SLC7A2: variants seen among roughly 807,000 people sequenced by gnomAD.
SLC7A2 encodes the protein cationic amino acid transporter 2.
A neutral mutation model predicts 58.9 loss-of-function variants in SLC7A2; 48 were observed. That is an observed-to-expected ratio of 0.82 (90% CI 0.65 to 1.04). The LOEUF is 1.04. Among genes scored for constraint, SLC7A2 ranks in the 50% least tolerant of loss-of-function variants. The pLI is 0.00. For missense variants in SLC7A2, 1,029 were observed against 818.8 expected (o/e 1.26, Z -3.13); for synonymous variants, 363 against 314.5 (o/e 1.15, Z -1.63).
At position 17,561,988 on chromosome 8, in the gene SLC7A2, C is replaced by T; in HGVS notation, c.1549C>T (p.His517Tyr). The T allele has an allele frequency of 6.2e-7, 1 of 1,614,128 alleles. No individual in the cohort carries two copies. Among genetic ancestry groups the T allele is most frequent in the Non-Finnish European group, 8.5e-7 (1 of 1,180,016 alleles). Reference protein sequence around the residue: ...GLSVLTTYGVHAITRLEAWSL... With the variant: ...GLSVLTTYGVYAITRLEAWSL... ...GAGTGTCTTGACCACTTACGGAGTT[C>T]ATGCCATCACCAGGCTGGAGGCCTG... is the stretch of plus-strand genomic sequence containing the variant. The change falls in exon 11 of 13, where the codon CAT becomes TAT. Residue 517 changes from histidine (H) to tyrosine (Y), a missense_variant. Coordinates refer to ENST00000494857, the MANE Select transcript of SLC7A2 (RefSeq NM_001370338.1).
At position 17,563,703 on chromosome 8, in the gene SLC7A2, T is replaced by C; in HGVS notation, c.1772T>C (p.Met591Thr). ...ADTWVRFSIWMAIGFLIYFSY... is the reference protein window; with the variant it reads ...ADTWVRFSIWTAIGFLIYFSY... ...ACTTGGGTCAGATTCAGCATTTGGA[T>C]GGCAATTGGTAGGTCTTTTAATGTC... Residue 591 changes from methionine (M) to threonine (T), a missense_variant, in exon 12 of 13, where the codon ATG (methionine) becomes ACG (threonine). Coordinates refer to ENST00000494857, the MANE Select transcript of SLC7A2 (RefSeq NM_001370338.1). 2.5e-6 allele frequency: 4 copies of C among 1,582,856 alleles called. No homozygotes were observed. The highest frequency in any genetic ancestry group is 2.2e-5 in the East Asian group (1 of 44,712).
intron 10 of SLC7A2, 149 bp downstream of exon 10, chr8:17,560,682 G>A (rs1251992022): frequency 1.6e-6 from 1 of 642,218 alleles, no homozygotes; most frequent in Non-Finnish European, 2.8e-6. Context: ...ATCACCAGTG[G>A]TTGAGATCAT....
intron 2 of SLC7A2, among the ~76,000 whole-genome samples, chr8:17,512,709 A>G (rs1417008309): frequency 6.6e-6 from 1 of 152,188 alleles, no homozygotes; most frequent in Non-Finnish European, 1.5e-5. Context: ...CATTAAATGC[A>G]TTCACATCGT....
At chr8:17,499,936 T>C (rs1800088059) in intron 1 of SLC7A2, 1 of 152,198 alleles carries the variant, frequency 6.6e-6, no homozygotes, top group Non-Finnish European at 1.5e-5. Context: ...AACACATGCT[T>C]ATATGTCTTT....
chr8:17,524,410 G>A (rs866494457), intron 2 of SLC7A2, among the ~76,000 whole-genome samples: 56,595 of 136,334 alleles, frequency 0.42, 11,847 homozygotes, highest in Middle Eastern at 0.52. Context: ...ACATATATGT[G>A]TGTGTGTGTG....
At chr8:17,497,536 G>A (rs1029264600) in intron 1 of SLC7A2, among the ~76,000 whole-genome samples, 2 of 152,206 alleles carry the variant, frequency 1.3e-5, no homozygotes, top group Non-Finnish European at 2.9e-5. Context: ...GCTCTGCCCG[G>A]GGACTTCGGG....
At chr8:17,510,136 C>G (rs915169512) in intron 2 of SLC7A2, among the ~76,000 whole-genome samples, 2 of 152,046 alleles carry the variant, frequency 1.3e-5, no homozygotes, top group African/African-American at 4.8e-5. Context: ...AGGAGCATCG[C>G]TTGAACCTGG....
intron 1 of SLC7A2, among the ~76,000 whole-genome samples, chr8:17,500,815 C>T (rs992851588): frequency 2.5e-5 from 2 of 78,696 alleles, no homozygotes; most frequent in South Asian, 4.6e-4. Context: ...CACACACACA[C>T]ACACACACAC....
At chr8:17,498,930 G>A (rs1192359682) in intron 1 of SLC7A2, 1 of 152,194 alleles carries the variant, frequency 6.6e-6, no homozygotes, top group Admixed American at 6.5e-5. Flanking sequence ...TCTTGCGCTG[G>A]AGTTTTTCAT....
At chr8:17,516,328 C>T (rs141728736) in intron 2 of SLC7A2, among the ~76,000 whole-genome samples, 5,412 of 152,082 alleles carry the variant, frequency 0.036, 138 homozygotes, top group Admixed American at 0.052. Context: ...CAGTCTCAAG[C>T]GATTATCCTG....
chr8:17,531,836 G>A (rs1442517745), intron 2 of SLC7A2, among the ~76,000 whole-genome samples: 1 of 151,822 alleles, frequency 6.6e-6, no homozygotes, highest in Non-Finnish European at 1.5e-5. Context: ...GTAACAAAGA[G>A]GAAAATTTGG....
chr8:17,502,090 C>T (rs1479514046), intron 1 of SLC7A2, among the ~76,000 whole-genome samples, 167 bp from the exon 2 acceptor site: 1 of 150,934 alleles, frequency 6.6e-6, no homozygotes, highest in Non-Finnish European at 1.5e-5. Context: ...GTATTCCCAC[C>T]ATATGTATAT....
chr8:17,500,255 A>G (rs1451870067), intron 1 of SLC7A2: 1 of 152,224 alleles, frequency 6.6e-6, no homozygotes, highest in African/African-American at 2.4e-5. Context: ...TCTCTAATAC[A>G]TGAAGGCGAT....
At chr8:17,517,581 T>G (rs1245936840) in intron 2 of SLC7A2, among the ~76,000 whole-genome samples, 1 of 152,062 alleles carries the variant, frequency 6.6e-6, no homozygotes, top group Non-Finnish European at 1.5e-5. Context: ...TGTTGGAATT[T>G]TTAATACAGA....
At chr8:17,515,638 G>A (rs1800776514) in intron 2 of SLC7A2, among the ~76,000 whole-genome samples, 1 of 152,018 alleles carries the variant, frequency 6.6e-6, no homozygotes, top group Non-Finnish European at 1.5e-5. Context: ...TGGGGTGGCG[G>A]GTTTTTGGCA....
chr8:17,497,575 A>C (rs540567723), intron 1 of SLC7A2, among the ~76,000 whole-genome samples: 1 of 152,276 alleles, frequency 6.6e-6, no homozygotes, highest in East Asian at 2.0e-4. Context: ...AGGGGCTGGC[A>C]CGGCGACTTC....
chr8:17,537,960 G>A lies in SLC7A2; in HGVS notation c.-22-5358G>A, dbSNP rs28617533. Among the ~76,000 whole-genome samples the A allele has an allele frequency of 9.4e-3, 1,431 of 152,142 alleles. 23 individuals carry two copies. The highest frequency in any genetic ancestry group is 0.033 in the African/African-American group (1,372 of 41,498). ...TTAATTTTTTTTTCTGCATCTCTTT[G>A]AGCTAACTAGGTATGCCTTATTCCC... On this transcript the variant is annotated intron_variant, in intron 2 of 12. Transcript: ENST00000494857.
intron 2 of SLC7A2, among the ~76,000 whole-genome samples, chr8:17,538,409 A>G (rs1470425966): frequency 6.6e-6 from 1 of 152,176 alleles, no homozygotes; most frequent in African/African-American, 2.4e-5. Flanking sequence ...GTTTTTCCAG[A>G]AAGATTCAGG....
chr8:17,542,479 T>A (rs940186981), intron 2 of SLC7A2, among the ~76,000 whole-genome samples: 1 of 152,124 alleles, frequency 6.6e-6, no homozygotes, highest in African/African-American at 2.4e-5. Flanking sequence ...AGTGAGACCC[T>A]GTCTCTACGA....
Sources: gnomAD v4.1 joint callset for allele counts (sites outside exome capture counted in the v4.1 genomes callset) on GRCh38, gnomAD v4.1.1 for gene constraint, MANE v1.5 for transcripts, NCBI Gene and HGNC (gene_info 2026-07-23, HGNC 2026-07-21) for gene names.